Variants in SLC8A1 observed in about 807,000 individuals in gnomAD.
SLC8A1 encodes the protein solute carrier family 8 member A1.
A neutral mutation model predicts 68.3 loss-of-function variants in SLC8A1; 18 were observed. That is an observed-to-expected ratio of 0.26 (90% CI 0.18 to 0.39). The LOEUF is 0.39. Among genes scored for constraint, SLC8A1 ranks in the 10% least tolerant of loss-of-function variants. The pLI, the probability that SLC8A1 is intolerant of heterozygous loss-of-function variation, is 1.00. For missense variants in SLC8A1, 985 were observed against 1,156.7 expected (o/e 0.85, Z 2.15); for synonymous variants, 475 against 415.5 (o/e 1.14, Z -1.74).
chr2:40,488,083 T>G (rs1269499241), intron 1 of SLC8A1, among the ~76,000 whole-genome samples: 1 of 152,104 alleles, frequency 6.6e-6, no homozygotes, highest in Non-Finnish European at 1.5e-5. Context: ...AGTAAAAGTT[T>G]ACCCTTTTAG....
At chr2:40,157,729 G>A (rs912019235) in intron 6 of SLC8A1, among the ~76,000 whole-genome samples, 1 of 152,188 alleles carries the variant, frequency 6.6e-6, no homozygotes, top group Non-Finnish European at 1.5e-5. Flanking sequence ...TCGTGGTACT[G>A]GACTTGCCTT....
intron 2 of SLC8A1, among the ~76,000 whole-genome samples, chr2:40,247,937 C>T (rs1396251019): frequency 2.0e-5 from 3 of 152,180 alleles, no homozygotes; most frequent in Non-Finnish European, 4.4e-5. Flanking sequence ...GTCAGCTATA[C>T]TCAATGCTCA....
intron 6 of SLC8A1, among the ~76,000 whole-genome samples, chr2:40,143,913 A>C (rs1366396243): frequency 6.6e-6 from 1 of 152,182 alleles, no homozygotes; most frequent in African/African-American, 2.4e-5. Flanking sequence ...GCCACTTTAT[A>C]GTTCTGACAG....
At chr2:40,378,775 C>T (rs572148502) in intron 2 of SLC8A1, among the ~76,000 whole-genome samples, 1 of 152,104 alleles carries the variant, frequency 6.6e-6, no homozygotes, top group Admixed American at 6.5e-5. Context: ...TGTTAAATTC[C>T]TATTTTGGCC....
intron 2 of SLC8A1, among the ~76,000 whole-genome samples, chr2:40,200,254 ATATATAT>A (rs2054098100): frequency 5.4e-5 from 3 of 55,464 alleles, no homozygotes; most frequent in African/African-American, 2.2e-4. Context: ...ATATATATAT[ATATATAT>A]ATATATAACC....
intron 1 of SLC8A1, among the ~76,000 whole-genome samples, chr2:40,473,276 A>G (rs910415545): frequency 6.6e-6 from 1 of 152,196 alleles, no homozygotes; most frequent in Non-Finnish European, 1.5e-5. Context: ...CTTATTTGGT[A>G]TGATTCCAGA....
chr2:40,473,282 C>A (rs1704099062), intron 1 of SLC8A1, among the ~76,000 whole-genome samples: 1 of 152,042 alleles, frequency 6.6e-6, no homozygotes, highest in Non-Finnish European at 1.5e-5. Flanking sequence ...TGGTATGATT[C>A]CAGAAAGCAA....
chr2:40,287,582 ATGTGTGTGTGTGTGTGTG>A (rs10522914), intron 2 of SLC8A1, among the ~76,000 whole-genome samples: 2,906 of 127,564 alleles, frequency 0.023, 103 homozygotes, highest in African/African-American at 0.081. Flanking sequence ...CAGAGGAATG[ATGTGTGTGTGTGTGTGTG>A]TGTGTGTGTG....
chr2:40,184,036 G>T (rs1396642160), intron 2 of SLC8A1, among the ~76,000 whole-genome samples: 6 of 151,912 alleles, frequency 3.9e-5, no homozygotes, highest in Non-Finnish European at 7.4e-5. Flanking sequence ...AACCAGATGG[G>T]TGTGGTAGTG....
chr2:40,200,226 ATATATAT>A (rs2054013653), intron 2 of SLC8A1, among the ~76,000 whole-genome samples: 1 of 34,036 alleles, frequency 2.9e-5, no homozygotes, highest in Non-Finnish European at 6.2e-5. Flanking sequence ...ATATTTTTTT[ATATATAT>A]ATATAAATAT....
intron 2 of SLC8A1, among the ~76,000 whole-genome samples, chr2:40,204,996 T>C (rs1159439955): frequency 2.0e-5 from 3 of 151,972 alleles, no homozygotes; most frequent in African/African-American, 7.2e-5. Flanking sequence ...ATAATCTATT[T>C]CAGGAGTACA....
intron 7 of SLC8A1, among the ~76,000 whole-genome samples, chr2:40,131,664 GC>G (rs1357816272): frequency 6.6e-6 from 1 of 152,098 alleles, no homozygotes; most frequent in Admixed American, 6.5e-5. Context: ...TTCCAAAGCT[GC>G]CAGTAAGCCT....
chr2:40,184,070 C>T lies in SLC8A1; in HGVS notation c.1809-6215G>A, dbSNP rs76612875. ...TGCTTGCCTGCACCCCAGCTACATG[C>T]GAGGCTGAGGTGGGAGGATGGCTTG... On this transcript the variant is annotated intron_variant, in intron 2 of 7. Coordinates refer to ENST00000406785, the Ensembl canonical transcript of SLC8A1. 9.3e-3 allele frequency among the ~76,000 whole-genome samples: 1,413 copies of T among 151,832 alleles called. 18 individuals carry two copies. The highest frequency in any genetic ancestry group is 0.024 in the Middle Eastern group (7 of 294).
intron 1 of SLC8A1, among the ~76,000 whole-genome samples, chr2:40,463,280 A>G (rs1178640382): frequency 1.3e-5 from 2 of 152,212 alleles, no homozygotes; most frequent in African/African-American, 4.8e-5. Flanking sequence ...GATGAGATGC[A>G]GTTGAGGAAC....
chr2:40,182,170 A>G (rs1361645308), intron 2 of SLC8A1, among the ~76,000 whole-genome samples: 1 of 152,204 alleles, frequency 6.6e-6, no homozygotes, highest in East Asian at 1.9e-4. Context: ...CTTTTCTTTA[A>G]ATAGACAGGT....
intron 4 of SLC8A1, among the ~76,000 whole-genome samples, chr2:40,173,939 CTT>C (rs1357623296): frequency 1.3e-5 from 2 of 152,146 alleles, no homozygotes; most frequent in Non-Finnish European, 2.9e-5. Context: ...AAGGAAATAT[CTT>C]TGTTTTGTAC....
At chr2:40,157,119 A>G (rs75563019) in intron 6 of SLC8A1, among the ~76,000 whole-genome samples, 2,728 of 152,264 alleles carry the variant, frequency 0.018, 100 homozygotes, top group African/African-American at 0.062. Flanking sequence ...CTATTTTATT[A>G]ATTAAATTGA....
chr2:40,407,964 C>T (rs1023836151), intron 2 of SLC8A1, among the ~76,000 whole-genome samples: 1 of 152,176 alleles, frequency 6.6e-6, no homozygotes, highest in South Asian at 2.1e-4. Flanking sequence ...TATTCACTCA[C>T]AAATGCAGGG....
At chr2:40,292,501 C>T (rs1303639939) in intron 2 of SLC8A1, among the ~76,000 whole-genome samples, 1 of 152,150 alleles carries the variant, frequency 6.6e-6, no homozygotes, top group Non-Finnish European at 1.5e-5. Context: ...TAGAGACATA[C>T]TTGGTCACCT....
Sources: gnomAD v4.1 joint callset for allele counts (sites outside exome capture counted in the v4.1 genomes callset) on GRCh38, gnomAD v4.1.1 for gene constraint, MANE v1.5 for transcripts, NCBI Gene and HGNC (gene_info 2026-07-23, HGNC 2026-07-21) for gene names.